CACNB2: variants seen among roughly 807,000 people sequenced by gnomAD.
The protein encoded by CACNB2 is calcium voltage-gated channel auxiliary subunit beta 2.
A neutral mutation model predicts 73.3 loss-of-function variants in CACNB2; 42 were observed. The ratio of observed to expected loss-of-function variants is 0.57; its 90% CI spans 0.45 to 0.74. The LOEUF is 0.74. Among genes scored for constraint, CACNB2 ranks in the 30% least tolerant of loss-of-function variants. CACNB2 has a pLI of 0.00. For missense variants in CACNB2, 940 were observed against 853.0 expected (o/e 1.10, Z -1.27); for synonymous variants, 348 against 310.3 (o/e 1.12, Z -1.28).
chr10:18,414,875 T>A (rs1442027869), intron 3 of CACNB2, among the ~76,000 whole-genome samples: 1 of 152,150 alleles, frequency 6.6e-6, no homozygotes, highest in Admixed American at 6.6e-5. Context: ...CTCCACCAGA[T>A]GTTAACAGGG....
chr10:18,495,814 T>C (rs2049777363), intron 3 of CACNB2, among the ~76,000 whole-genome samples: 2 of 152,112 alleles, frequency 1.3e-5, no homozygotes, highest in African/African-American at 2.4e-5. Flanking sequence ...AAACTTTATA[T>C]ACTTAAGAAC....
At chr10:18,178,447 C>T (rs987807315) in intron 2 of CACNB2, among the ~76,000 whole-genome samples, 1 of 152,148 alleles carries the variant, frequency 6.6e-6, no homozygotes, top group Non-Finnish European at 1.5e-5. Context: ...ATGGTAAATA[C>T]TGAAAATCAT....
At chr10:18,442,950 ATATATATG>A (rs1564553448) in intron 3 of CACNB2, among the ~76,000 whole-genome samples, 398 of 22,026 alleles carry the variant, frequency 0.018, 46 homozygotes, top group African/African-American at 0.11. Context: ...ATGTGTATAT[ATATATATG>A]TATATATATA....
intron 10 of CACNB2, among the ~76,000 whole-genome samples, chr10:18,530,582 T>A (rs534015625): frequency 6.7e-6 from 1 of 150,302 alleles, no homozygotes; most frequent in East Asian, 2.0e-4. Flanking sequence ...TATAATAAAG[T>A]GTAGAGTATA....
chr10:18,246,756 GT>G (rs995595027), intron 2 of CACNB2, among the ~76,000 whole-genome samples: 1 of 152,076 alleles, frequency 6.6e-6, no homozygotes, highest in Non-Finnish European at 1.5e-5. Context: ...AATTTTCAGG[GT>G]TTTTTAGTTT....
chr10:18,260,574 T>C, intron 2 of CACNB2: 1 of 985,910 alleles, frequency 1.0e-6, no homozygotes, highest in Non-Finnish European at 1.2e-6. Context: ...GTTTGGAGGA[T>C]GTTTCTGTAG....
At position 18,285,150 on chromosome 10, in the gene CACNB2, C is replaced by T. The variant is rs571357810; in HGVS notation, c.214-116774C>T. Among the ~76,000 whole-genome samples the T allele has an allele frequency of 2.0e-5, 3 of 152,328 alleles. No homozygotes were observed. The East Asian group carries it at 5.8e-4, about 29-fold the overall frequency. ...ACATCTGGTCTCCAGAGATGCACCT[C>T]TCCCAACCCATGAGCCATATACCCT... On this transcript the variant is annotated intron_variant, in intron 2 of 13. Coordinates refer to ENST00000324631, the MANE Select transcript of CACNB2 (RefSeq NM_201596.3).
At chr10:18,502,959 A>G (rs2050289540) in intron 5 of CACNB2, among the ~76,000 whole-genome samples, 1 of 152,112 alleles carries the variant, frequency 6.6e-6, no homozygotes, top group Non-Finnish European at 1.5e-5. Flanking sequence ...CGAAACTAAA[A>G]GTAAAAAAAG....
At chr10:18,394,610 A>G (rs891560762) in intron 2 of CACNB2, among the ~76,000 whole-genome samples, 3 of 152,182 alleles carry the variant, frequency 2.0e-5, no homozygotes, top group Non-Finnish European at 4.4e-5. Context: ...TGGCTATGCA[A>G]TGAGTCCCCT....
At chr10:18,382,848 A>G (rs2043075025) in intron 2 of CACNB2, among the ~76,000 whole-genome samples, 1 of 152,228 alleles carries the variant, frequency 6.6e-6, no homozygotes, top group Non-Finnish European at 1.5e-5. Context: ...TGCAATGTAC[A>G]TACGAGTGTG....
At chr10:18,501,866 A>G (rs2050209386) in intron 5 of CACNB2, among the ~76,000 whole-genome samples, 1 of 152,180 alleles carries the variant, frequency 6.6e-6, no homozygotes, top group Non-Finnish European at 1.5e-5. Flanking sequence ...CTGGCTTTTC[A>G]TAATTGTCAA....
At chr10:18,403,674 C>A (rs537230117) in intron 3 of CACNB2, among the ~76,000 whole-genome samples, 8 of 152,104 alleles carry the variant, frequency 5.3e-5, no homozygotes, top group African/African-American at 1.9e-4. Context: ...AAGCATGGAT[C>A]GAAATGTTGC....
chr10:18,354,094 A>G (rs534428595), intron 2 of CACNB2, among the ~76,000 whole-genome samples: 1 of 152,332 alleles, frequency 6.6e-6, no homozygotes, highest in East Asian at 1.9e-4. Context: ...CAAATTATCC[A>G]GAGTCAAATC....
chr10:18,387,190 C>T (rs971442589), intron 2 of CACNB2, among the ~76,000 whole-genome samples: 1 of 152,162 alleles, frequency 6.6e-6, no homozygotes, highest in Non-Finnish European at 1.5e-5. Context: ...GTTCCCTTGC[C>T]TGTATCTATG....
chr10:18,317,424 G>T (rs945828920), intron 2 of CACNB2, among the ~76,000 whole-genome samples: 1 of 152,034 alleles, frequency 6.6e-6, no homozygotes, highest in Non-Finnish European at 1.5e-5. Context: ...AGTGTTCATT[G>T]TTCTCTTCTT....
intron 2 of CACNB2, among the ~76,000 whole-genome samples, chr10:18,374,537 G>A (rs1384165915): frequency 6.6e-6 from 1 of 152,132 alleles, no homozygotes; most frequent in Non-Finnish European, 1.5e-5. Context: ...AGACCAGACT[G>A]GGCAGTATAG....
At chr10:18,289,543 C>G (rs1564407962) in intron 2 of CACNB2, among the ~76,000 whole-genome samples, 1 of 152,122 alleles carries the variant, frequency 6.6e-6, no homozygotes, top group Non-Finnish European at 1.5e-5. Flanking sequence ...ATCTGCCCGT[C>G]TCAGCCTCTC....
intron 7 of CACNB2, among the ~76,000 whole-genome samples, chr10:18,515,268 C>G (rs539990543): frequency 2.6e-5 from 4 of 152,314 alleles, no homozygotes; most frequent in Admixed American, 2.6e-4. Context: ...TTTCCTCACC[C>G]ATTTTGTAGC....
chr10:18,451,540 A>G (rs897276037), intron 3 of CACNB2, among the ~76,000 whole-genome samples: 5 of 152,202 alleles, frequency 3.3e-5, no homozygotes, highest in Non-Finnish European at 7.3e-5. Flanking sequence ...TTTGGTGTAT[A>G]TTAGGAAACT....
Sources: allele counts gnomAD v4.1 joint callset (sites outside exome capture counted in the v4.1 genomes callset), GRCh38; gene constraint gnomAD v4.1.1; transcripts MANE v1.5; gene names NCBI Gene and HGNC (gene_info 2026-07-23, HGNC 2026-07-21).